The following CCDC27 variants were observed in gnomAD, a reference collection of about 807,000 sequenced individuals.
CCDC27 encodes coiled-coil domain-containing protein 27.
Under a neutral mutation model 80.3 loss-of-function variants are expected in CCDC27, and 80 were observed. That is an observed-to-expected ratio of 1.00 (90% CI 0.83 to 1.20). CCDC27 has a LOEUF of 1.20. CCDC27 is among the 50% of genes most tolerant of loss of function. The pLI is 0.00. For missense variants in CCDC27, 815 were observed against 809.4 expected (o/e 1.01, Z -0.08); for synonymous variants, 342 against 334.3 (o/e 1.02, Z -0.25).
chr1:3,756,475 C>T (rs373455021), intron 3 of CCDC27: 3 of 361,572 alleles, frequency 8.3e-6, no homozygotes, highest in East Asian at 1.2e-4. Flanking sequence ...CTGGGTGTCT[C>T]GGCCAGAGCT....
intron 1 of CCDC27, 58 bp from the exon 2 acceptor site, chr1:3,754,058 GAT>G: frequency 6.3e-7 from 1 of 1,589,862 alleles, no homozygotes; most frequent in Non-Finnish European, 8.6e-7. Context: ...TCTGCCCTTG[GAT>G]GGGCTGGCCT....
chr1:3,761,513 C>T lies in CCDC27; in HGVS notation c.861+83C>T, dbSNP rs893486114. ...TCCAAAGCTGCTAGTGACACACAGG[C>T]CCCTGGCAAACCCCCAGGCCCCCTG... On this transcript the variant is annotated intron_variant, in intron 5 of 11. Transcript: ENST00000294600. This position sits in a 1 kb window ranked among gnomAD's most constrained non-coding sequence, Gnocchi z 5.0. 6.7e-7 allele frequency: 1 copy of T among 1,500,538 alleles called. No individual in the cohort carries two copies. Among genetic ancestry groups the T allele is most frequent in the East Asian group, 2.3e-5 (1 of 43,266 alleles). 93.0% of individuals were successfully genotyped at this position (1,500,538 alleles called of 1,614,324 possible).
In CCDC27 at chr1:3,754,157, T is replaced by G. The variant is rs1570698538; in HGVS notation, c.358T>G (p.Ser120Ala). The change falls in exon 2 of 12, where the codon TCC (serine) becomes GCC (alanine). Residue 120 changes from serine to alanine, a missense_variant. By Grantham distance (99) the Ser-to-Ala change is moderately conservative. Transcript: ENST00000294600. ...KDAASLTGFMSKMELRRVFPT... is the reference protein window; with the variant it reads ...KDAASLTGFMAKMELRRVFPT... Reference sequence around the variant, plus strand: ...TGCCGCCAGCCTCACCGGCTTCATGTCCAAAATGGAACTTCGAAGGGTCTT... The same window carrying G: ...TGCCGCCAGCCTCACCGGCTTCATGGCCAAAATGGAACTTCGAAGGGTCTT... The G allele has an allele frequency of 6.2e-7, 1 of 1,613,648 alleles. No individual in the cohort carries two copies. Among genetic ancestry groups the G allele is most frequent in the Non-Finnish European group, 8.5e-7 (1 of 1,179,852 alleles).
At chr1:3,762,987 T>C in intron 6 of CCDC27, 121 bp from the exon 7 acceptor site, 1 of 1,271,396 alleles carries the variant, frequency 7.9e-7, no homozygotes, top group Non-Finnish European at 1.0e-6. Context: ...TCCCACTCCC[T>C]GGACCCTGCA....
rs1643288928 is a variant in CCDC27, at chr1:3,768,619, A to C, written c.1744-1164A>C. On this transcript the variant is annotated intron_variant, in intron 10 of 11. Transcript: ENST00000294600. This position sits in a 1 kb window ranked among gnomAD's most constrained non-coding sequence, Gnocchi z 5.6. ...GTAGTCCTGGTGAAAGCGTTAGACC[A>C]GAGGCGGTCTAGGTGTGTCCATTTG... is the stretch of plus-strand genomic sequence containing the variant. Among the ~76,000 whole-genome samples, 1 of 152,172 alleles carries C rather than the reference A, an allele frequency of 6.6e-6. No homozygotes were observed. Among genetic ancestry groups the C allele is most frequent in the Admixed American group, 6.5e-5 (1 of 15,284 alleles).
In CCDC27 at chr1:3,766,837, C is replaced by CTTTTT. The variant is rs34635257; in HGVS notation, c.1530+243_1530+247dup. 4.7e-5 allele frequency among the ~76,000 whole-genome samples: 5 copies of CTTTTT among 105,456 alleles called. No individual in the cohort carries two copies. The highest frequency in any genetic ancestry group is 8.3e-5 in the African/African-American group (2 of 24,164). The allele number at this position is 105,456 out of a possible 152,430, so 69.2% of individuals were successfully genotyped here. ...AGGGACCCAGCAAGCGTTCCCAGTC[C>CTTTTT]TTTTTTTTTTTTTTTTTTTTTTGAG... On this transcript the variant is annotated intron_variant, in intron 9 of 11. Coordinates refer to ENST00000294600, the MANE Select transcript of CCDC27 (RefSeq NM_152492.3). This position sits in a 1 kb window ranked among gnomAD's most constrained non-coding sequence, Gnocchi z 6.1.
rs764737784 is a variant in CCDC27 at position 3,754,117 on chromosome 1, G to T, written c.319-1G>T. The T allele has an allele frequency of 2.5e-6, 4 of 1,613,346 alleles. No homozygotes were observed. In the South Asian group the frequency reaches 4.4e-5, roughly 18 times the overall value. On this transcript the variant is annotated splice_acceptor_variant, in intron 1 of 11. Coordinates refer to ENST00000294600, the MANE Select transcript of CCDC27 (RefSeq NM_152492.3). LOFTEE classifies it high-confidence loss of function. Reference sequence around the variant, plus strand: ...CTGTCTTACTTTCCCCGCTCTGCCAGAGTGAACCCAAGGATGCCGCCAGCC... The same window carrying T: ...CTGTCTTACTTTCCCCGCTCTGCCATAGTGAACCCAAGGATGCCGCCAGCC...
chr1:3,764,153 G>A (rs756762392), intron 8 of CCDC27, among the ~76,000 whole-genome samples: 2 of 152,166 alleles, frequency 1.3e-5, no homozygotes, highest in African/African-American at 2.4e-5. Flanking sequence ...TGAGTCCTGG[G>A]GGTAAGAACG....
intron 1 of CCDC27, among the ~76,000 whole-genome samples, chr1:3,753,242 G>C (rs911598903): frequency 6.6e-6 from 1 of 152,132 alleles, no homozygotes; most frequent in African/African-American, 2.4e-5. Context: ...GCCCGAGATG[G>C]TCACCCCGGC....
chr1:3,765,531 A>T (rs1273768148), intron 8 of CCDC27, among the ~76,000 whole-genome samples: 1 of 152,156 alleles, frequency 6.6e-6, no homozygotes, highest in Non-Finnish European at 1.5e-5. Context: ...GATTTCCTTA[A>T]CTTTATCAAC....
rs1289994038 is a variant in CCDC27 at position 3,769,790 on chromosome 1, G to A, written c.1751G>A (p.Arg584Lys). ...ALESSQSRLE[R>K]LRNKIIQATF... ...TTGTCCCTTTGCTCACAGCTCGAGA[G>A]GTTAAGGAATAAGATCATCCAGGCC... Residue 584 changes from arginine to lysine, a missense_variant, in exon 11 of 12, where the codon AGG becomes AAG. Transcript: ENST00000294600. This position sits in a 1 kb window ranked among gnomAD's most constrained non-coding sequence, Gnocchi z 4.6. 1 of 1,613,638 alleles carries A rather than the reference G, an allele frequency of 6.2e-7. No individual in the cohort carries two copies.
chr1:3,763,596 C>A lies in CCDC27; in HGVS notation c.1322-110C>A. On this transcript the variant is annotated intron_variant, in intron 7 of 11. Coordinates refer to ENST00000294600, the MANE Select transcript of CCDC27 (RefSeq NM_152492.3). This position sits in a 1 kb window ranked among gnomAD's most constrained non-coding sequence, Gnocchi z 7.5. Reference sequence around the variant, plus strand: ...TGGAGCAGGGGCAGGTGTCGGCAGCCTCACCCAGGCTGGCAGAGCCCTCCC... The same window carrying A: ...TGGAGCAGGGGCAGGTGTCGGCAGCATCACCCAGGCTGGCAGAGCCCTCCC... 6.4e-7 allele frequency: 1 copy of A among 1,564,276 alleles called. No homozygotes were observed. Among genetic ancestry groups the A allele is most frequent in the Non-Finnish European group, 8.7e-7 (1 of 1,149,244 alleles).
At chr1:3,770,761 A>G (rs1437974397) in intron 11 of CCDC27, among the ~76,000 whole-genome samples, 3 of 152,036 alleles carry the variant, frequency 2.0e-5, no homozygotes, top group Admixed American at 6.5e-5. Flanking sequence ...TGTAATGTGG[A>G]GAGAGGTCTC....
At chr1:3,764,470 T>C (rs1379264449) in intron 8 of CCDC27, among the ~76,000 whole-genome samples, 2 of 152,014 alleles carry the variant, frequency 1.3e-5, no homozygotes, top group Non-Finnish European at 2.9e-5. Flanking sequence ...AATGCTTCCT[T>C]TTTTTTCCTC....
rs373354262 is a variant in CCDC27, at chr1:3,757,128, G to A, written c.711+238G>A. On this transcript the variant is annotated intron_variant, in intron 4 of 11. Transcript: ENST00000294600. ...GCATGGAACTCAGACTCACCGGCAC[G>A]CATGACTTCCAACCGTCCACACATC... is the stretch of plus-strand genomic sequence containing the variant. 1.4e-4 allele frequency: 58 copies of A among 413,600 alleles called. No individual in the cohort carries two copies. The East Asian group carries it at 2.2e-3, about 16-fold the overall frequency. 25.6% of individuals were successfully genotyped at this position (413,600 alleles called of 1,614,324 possible). A position where few individuals can be genotyped will look rare whatever the true frequency, so the allele number is the denominator to read the frequency against.
Position 3,761,326 on chromosome 1 carries a change from G to A in CCDC27, c.757G>A (p.Glu253Lys), listed in dbSNP as rs370631959. The change falls in exon 5 of 12, where the codon GAG becomes AAG. Residue 253 changes from glutamate to lysine, a missense_variant. By Grantham distance (56) the Glu-to-Lys change is moderately conservative (BLOSUM62 1). Transcript: ENST00000294600. The surrounding 1 kb of genome is among the most constrained non-coding windows in gnomAD (Gnocchi z 5.0). Reference sequence around the variant, plus strand: ...GGAGATACAGGTTCAGAAGAAAGACGAGGAGATCCTGCTGCTCCAGGAGGA... The same window carrying A: ...GGAGATACAGGTTCAGAAGAAAGACAAGGAGATCCTGCTGCTCCAGGAGGA... Reference protein sequence around the residue: ...ELEIQVQKKDEEILLLQEERE... With the variant: ...ELEIQVQKKDKEILLLQEERE... 1.5e-5 allele frequency: 25 copies of A among 1,614,158 alleles called. No individual in the cohort carries two copies. The highest frequency in any genetic ancestry group is 3.3e-4 in the Middle Eastern group (2 of 6,060).
chr1:3,765,226 G>A (rs946491967), intron 8 of CCDC27, among the ~76,000 whole-genome samples: 18 of 152,240 alleles, frequency 1.2e-4, no homozygotes, highest in East Asian at 5.8e-4. Flanking sequence ...GTCCAAAGTC[G>A]TTCATGGTTC....
chr1:3,753,430 T>C (rs1378247500), intron 1 of CCDC27, among the ~76,000 whole-genome samples: 1 of 151,684 alleles, frequency 6.6e-6, no homozygotes, highest in Non-Finnish European at 1.5e-5. Context: ...TTCAAGTGAT[T>C]CTCCAGCCTC....
In CCDC27 at chr1:3,763,655, C is replaced by A. The variant is rs759683424; in HGVS notation, c.1322-51C>A. On this transcript the variant is annotated intron_variant, in intron 7 of 11. Coordinates refer to ENST00000294600, the MANE Select transcript of CCDC27 (RefSeq NM_152492.3). The surrounding 1 kb of genome is among the most constrained non-coding windows in gnomAD (Gnocchi z 7.5). ...CAGTGGCCCGGCCCTCTCCTTCTGT[C>A]CCTCACTGCCCCTGCTTGCTCCTGC... 6.2e-7 allele frequency: 1 copy of A among 1,609,028 alleles called. No individual in the cohort carries two copies. The highest frequency in any genetic ancestry group is 8.5e-7 in the Non-Finnish European group (1 of 1,176,012).
Sources: allele counts gnomAD v4.1 joint callset (sites outside exome capture counted in the v4.1 genomes callset), GRCh38; gene constraint gnomAD v4.1.1; non-coding constraint Gnocchi (gnomAD v3.1); transcripts MANE v1.5; gene names NCBI Gene and HGNC (gene_info 2026-07-23, HGNC 2026-07-21).